DDX10: variants seen among roughly 807,000 people sequenced by gnomAD.
The protein encoded by DDX10 is DEAD-box helicase 10.
In DDX10, 74 loss-of-function variants were observed where a neutral mutation model predicts 104.3. The observed-to-expected ratio is 0.71, with a 90% confidence interval of 0.59 to 0.86. The LOEUF (loss-of-function observed/expected upper bound fraction) is 0.86. Ranked by LOEUF, DDX10 falls within the 40% of genes least tolerant of loss-of-function variation. DDX10 has a pLI of 0.00. For missense variants in DDX10, 952 were observed against 1,040.0 expected (o/e 0.92, Z 1.16); for synonymous variants, 351 against 353.4 (o/e 0.99, Z 0.08).
intron 17 of DDX10, chr11:108,921,108 C>T (rs920556399): frequency 6.6e-6 from 1 of 152,196 alleles, no homozygotes; most frequent in African/African-American, 2.4e-5. Context: ...CATTCCTGGA[C>T]TAGCAGGCAG....
intron 13 of DDX10, among the ~76,000 whole-genome samples, chr11:108,740,291 A>G (rs2094323589): frequency 6.6e-6 from 1 of 152,104 alleles, no homozygotes; most frequent in Non-Finnish European, 1.5e-5. Context: ...AGCTCCATCC[A>G]TGTTGCTACA....
At chr11:108,853,447 T>TA in intron 16 of DDX10, among the ~76,000 whole-genome samples, 1 of 152,326 alleles carries the variant, frequency 6.6e-6, no homozygotes, top group South Asian at 2.1e-4. Flanking sequence ...AAAGCCCTGT[T>TA]ACTGTATTTC....
intron 13 of DDX10, among the ~76,000 whole-genome samples, chr11:108,763,612 AG>A (rs1218793522): frequency 2.6e-5 from 4 of 152,168 alleles, no homozygotes; most frequent in African/African-American, 9.7e-5. Context: ...TTTTTATTTT[AG>A]GAGTGTTTTA....
intron 16 of DDX10, among the ~76,000 whole-genome samples, chr11:108,909,122 G>T (rs1301696067): frequency 1.3e-5 from 2 of 152,202 alleles, no homozygotes; most frequent in Non-Finnish European, 2.9e-5. Flanking sequence ...TAGCTTCAGG[G>T]TAGAGGCTGG....
intron 13 of DDX10, among the ~76,000 whole-genome samples, chr11:108,812,175 A>G (rs367862070): frequency 2.0e-5 from 3 of 152,332 alleles, no homozygotes; most frequent in East Asian, 3.9e-4. Context: ...AGCAAACTAA[A>G]TGCTATTTGT....
At chr11:108,888,476 G>A (rs1863330712) in intron 16 of DDX10, among the ~76,000 whole-genome samples, 1 of 152,100 alleles carries the variant, frequency 6.6e-6, no homozygotes, top group Admixed American at 6.5e-5. Flanking sequence ...TGGTTGTAAA[G>A]GTCATATGCC....
At chr11:108,853,137 C>A (rs971929310) in intron 16 of DDX10, among the ~76,000 whole-genome samples, 5 of 152,174 alleles carry the variant, frequency 3.3e-5, no homozygotes, top group Admixed American at 3.3e-4. Flanking sequence ...ATCACTCTGT[C>A]TTCAAAGGTG....
intron 1 of DDX10, among the ~76,000 whole-genome samples, chr11:108,666,699 C>T (rs1307018437): frequency 2.0e-5 from 3 of 152,296 alleles, no homozygotes; most frequent in South Asian, 2.1e-4. Context: ...CAGTCTCTGC[C>T]TTCTCCTGTG....
intron 13 of DDX10, among the ~76,000 whole-genome samples, chr11:108,728,035 G>GA (rs1352480737): frequency 6.8e-6 from 1 of 147,704 alleles, no homozygotes; most frequent in Non-Finnish European, 1.5e-5. Flanking sequence ...AAAAGTCCTA[G>GA]AAAAATGAAA....
chr11:108,827,069 T>G (rs1862405465), intron 13 of DDX10, among the ~76,000 whole-genome samples: 1 of 152,246 alleles, frequency 6.6e-6, no homozygotes, highest in African/African-American at 2.4e-5. Context: ...TTGAACAAAC[T>G]GCTAAATTAA....
intron 13 of DDX10, among the ~76,000 whole-genome samples, chr11:108,775,925 GTTT>G (rs374571837): frequency 6.6e-6 from 1 of 152,006 alleles, no homozygotes; most frequent in Non-Finnish European, 1.5e-5. Flanking sequence ...TTTATGTGTG[GTTT>G]TTTTAGTTCA....
chr11:108,818,160 A>G (rs1008689698), intron 13 of DDX10, among the ~76,000 whole-genome samples: 2 of 152,208 alleles, frequency 1.3e-5, no homozygotes, highest in African/African-American at 4.8e-5. Context: ...GTGGACATGC[A>G]TGCTTCTGAG....
At chr11:108,724,795 C>T (rs2094303107) in intron 13 of DDX10, among the ~76,000 whole-genome samples, 1 of 151,998 alleles carries the variant, frequency 6.6e-6, no homozygotes, top group African/African-American at 2.4e-5. Context: ...ACTAATAGCT[C>T]ATCTGGCATT....
chr11:108,928,948 T>G (rs1011608077), intron 17 of DDX10, among the ~76,000 whole-genome samples: 11 of 152,316 alleles, frequency 7.2e-5, no homozygotes, highest in African/African-American at 2.2e-4. Context: ...TTCAAAACAG[T>G]TTGCAAAAAT....
At chr11:108,771,860 T>A (rs911629470) in intron 13 of DDX10, among the ~76,000 whole-genome samples, 70 of 152,232 alleles carry the variant, frequency 4.6e-4, no homozygotes, top group African/African-American at 1.6e-3. Flanking sequence ...TTTGTCTTGA[T>A]CCATCATGGT....
chr11:108,757,687 T>A (rs2094346075), intron 13 of DDX10, among the ~76,000 whole-genome samples: 1 of 152,062 alleles, frequency 6.6e-6, no homozygotes, highest in South Asian at 2.1e-4. Flanking sequence ...GTTGTCCTCT[T>A]GAAAACTTTT....
intron 13 of DDX10, among the ~76,000 whole-genome samples, chr11:108,728,857 A>G (rs1008708181): frequency 5.9e-5 from 9 of 152,128 alleles, no homozygotes; most frequent in Admixed American, 5.9e-4. Flanking sequence ...GCTCCTAGGT[A>G]TATATATTTC....
chr11:108,666,785 T>C (rs2094210730), intron 1 of DDX10, among the ~76,000 whole-genome samples: 1 of 152,230 alleles, frequency 6.6e-6, no homozygotes, highest in Non-Finnish European at 1.5e-5. Flanking sequence ...TCCAGGATAA[T>C]CACCCCATCC....
Position 108,723,035 on chromosome 11 carries a change from T to C in DDX10, c.1538T>C (p.Leu513Pro). ...GLAVAPRVRF[L>P]QKMQKQPTKE... ...GCTGTGGCACCACGCGTAAGATTTC[T>C]TCAGAAAATGCAGAAACAACCCACC... Residue 513 changes from leucine to proline, a missense_variant, in exon 13 of 18, where the codon CTT becomes CCT. This residue lies in a region of DDX10 where 533 missense variants were observed against 534.1 expected (regional missense o/e 1.00). Transcript: ENST00000322536. The C allele has an allele frequency of 6.2e-7, 1 of 1,611,630 alleles. No homozygotes were observed. Among genetic ancestry groups the C allele is most frequent in the Non-Finnish European group, 8.5e-7 (1 of 1,179,210 alleles).
Sources: allele counts gnomAD v4.1 joint callset (sites outside exome capture counted in the v4.1 genomes callset), GRCh38; gene constraint gnomAD v4.1.1; regional missense constraint gnomAD v4.1.1; transcripts MANE v1.5; gene names NCBI Gene and HGNC (gene_info 2026-07-23, HGNC 2026-07-21).